CADPS: variants seen among roughly 807,000 people sequenced by gnomAD.
CADPS encodes calcium-dependent secretion activator 1.
In CADPS, 57 loss-of-function variants were observed where a neutral mutation model predicts 167.3. That is an observed-to-expected ratio of 0.34 (90% CI 0.28 to 0.42). CADPS has a LOEUF of 0.42. Among genes scored for constraint, CADPS ranks in the 20% least tolerant of loss-of-function variants. The probability of loss-of-function intolerance (pLI) is 1.00; values close to 1 mark genes in which losing one functional copy is unlikely to be tolerated. For missense variants in CADPS, 1,414 were observed against 1,738.1 expected (o/e 0.81, Z 3.32); for synonymous variants, 676 against 635.3 (o/e 1.06, Z -0.96).
chr3:62,765,741 C>G, intron 2 of CADPS, 130 bp downstream of exon 2: 1 of 556,320 alleles, frequency 1.8e-6, no homozygotes. Flanking sequence ...TAACGAATCA[C>G]CAACCCATTT....
intron 6 of CADPS, among the ~76,000 whole-genome samples, chr3:62,620,069 C>T (rs1222440320): frequency 6.6e-6 from 1 of 151,632 alleles, no homozygotes; most frequent in Non-Finnish European, 1.5e-5. Context: ...TTATTGGGTG[C>T]TATTGATTTT....
intron 21 of CADPS, among the ~76,000 whole-genome samples, chr3:62,487,725 TTTG>T (rs1449961127): frequency 2.0e-5 from 3 of 152,190 alleles, no homozygotes; most frequent in African/African-American, 7.2e-5. Context: ...TTCAATTATT[TTTG>T]TTGTTGTTGT....
At chr3:62,834,469 C>T (rs983742663) in intron 1 of CADPS, among the ~76,000 whole-genome samples, 6 of 152,228 alleles carry the variant, frequency 3.9e-5, no homozygotes, top group Admixed American at 1.3e-4. Flanking sequence ...GAGGCAAGAA[C>T]GTAGTGGTAA....
intron 7 of CADPS, among the ~76,000 whole-genome samples, chr3:62,591,838 A>T (rs943170432): frequency 1.3e-5 from 2 of 152,148 alleles, no homozygotes; most frequent in Non-Finnish European, 2.9e-5. Flanking sequence ...GGGTCCAGGG[A>T]TGCTAAACAT....
intron 11 of CADPS, among the ~76,000 whole-genome samples, chr3:62,548,117 AG>A (rs35978575): frequency 6.6e-6 from 1 of 152,134 alleles, no homozygotes; most frequent in Non-Finnish European, 1.5e-5. Flanking sequence ...TTTCTGATAC[AG>A]GGGGTAACTT....
intron 13 of CADPS, among the ~76,000 whole-genome samples, chr3:62,528,689 T>C (rs1482001230): frequency 7.2e-5 from 11 of 152,308 alleles, no homozygotes; most frequent in Non-Finnish European, 1.6e-4. Flanking sequence ...TTATGCAGAA[T>C]AGGTTCTAAC....
chr3:62,453,050 T>C (rs1240059526), intron 26 of CADPS, among the ~76,000 whole-genome samples: 2 of 152,274 alleles, frequency 1.3e-5, no homozygotes, highest in African/African-American at 2.4e-5. Flanking sequence ...GGAGGATCAC[T>C]TGAACCCAGG....
At chr3:62,585,784 C>A (rs919195609) in intron 7 of CADPS, among the ~76,000 whole-genome samples, 1 of 152,134 alleles carries the variant, frequency 6.6e-6, no homozygotes, top group African/African-American at 2.4e-5. Context: ...ATGGAAGGAA[C>A]CTTATTAGAT....
intron 1 of CADPS, among the ~76,000 whole-genome samples, chr3:62,816,549 G>A (rs2094622617): frequency 6.6e-6 from 1 of 151,888 alleles, no homozygotes; most frequent in African/African-American, 2.4e-5. Flanking sequence ...GTGAGAAAAA[G>A]GAAGAAAATT....
Position 62,491,466 on chromosome 3 carries a change from C to T in CADPS, c.2899G>A (p.Gly967Arg). Residue 967 changes from glycine (G) to arginine (R), a missense_variant, in exon 21 of 30, where the codon GGA becomes AGA. Physicochemically the swap from Gly to Arg is moderately radical, Grantham distance 125. This residue lies in a region of CADPS where 529 missense variants were observed against 629.6 expected (regional missense o/e 0.84). Coordinates refer to ENST00000383710, the MANE Select transcript of CADPS (RefSeq NM_003716.4). ...TCTTGCAGGTGTTTGTGAAATTTTC[C>T]ATTGCACAAATTATCTAGAACAGAT... ...FLRTDYNLCN[G>R]KFHKHLQDLF... 6.2e-7 allele frequency: 1 copy of T among 1,613,706 alleles called. No homozygotes were observed.
At chr3:62,734,207 C>T (rs2078519058) in intron 3 of CADPS, among the ~76,000 whole-genome samples, 1 of 152,116 alleles carries the variant, frequency 6.6e-6, no homozygotes, top group Non-Finnish European at 1.5e-5. Context: ...CACCCAACTG[C>T]AGATATAGAC....
At chr3:62,491,276 T>C in intron 21 of CADPS, 63 bp downstream of exon 21, 1 of 1,514,704 alleles carries the variant, frequency 6.6e-7, no homozygotes, top group Admixed American at 1.8e-5. Context: ...ATTAATCCAT[T>C]TCTGTATTAC....
intron 6 of CADPS, among the ~76,000 whole-genome samples, chr3:62,636,534 T>G (rs550739540): frequency 4.7e-4 from 71 of 152,308 alleles, no homozygotes; most frequent in African/African-American, 1.6e-3. Flanking sequence ...AACCCCCTGA[T>G]AATTGGCATC....
intron 18 of CADPS, among the ~76,000 whole-genome samples, chr3:62,498,348 T>C (rs2065155575): frequency 1.3e-5 from 2 of 152,180 alleles, no homozygotes; most frequent in Non-Finnish European, 2.9e-5. Context: ...ATGTCATTTT[T>C]CCCCTTTGCT....
chr3:62,427,418 G>A (rs1337221932), intron 28 of CADPS, among the ~76,000 whole-genome samples: 1 of 152,114 alleles, frequency 6.6e-6, no homozygotes, highest in African/African-American at 2.4e-5. Context: ...AAAGACAAAT[G>A]ATTTGTGTCA....
At chr3:62,570,721 T>C (rs1471581445) in intron 9 of CADPS, 151 bp downstream of exon 9, 4 of 667,928 alleles carry the variant, frequency 6.0e-6, no homozygotes, top group Non-Finnish European at 1.1e-5. Flanking sequence ...TGTATCCTCC[T>C]CTGAATGGTG....
At chr3:62,539,525 TA>T (rs200925277) in intron 11 of CADPS, among the ~76,000 whole-genome samples, 11,727 of 144,824 alleles carry the variant, frequency 0.081, 875 homozygotes, top group African/African-American at 0.2. Flanking sequence ...TATTATGTTA[TA>T]AAAAAAAAAA....
chr3:62,653,839 G>A (rs746541807), intron 4 of CADPS, among the ~76,000 whole-genome samples: 4 of 151,950 alleles, frequency 2.6e-5, no homozygotes, highest in African/African-American at 4.8e-5. Context: ...ACTCCGCAAC[G>A]TCACAGTACC....
intron 1 of CADPS, among the ~76,000 whole-genome samples, chr3:62,834,742 CCTTT>C (rs2075658039): frequency 6.6e-6 from 1 of 152,174 alleles, no homozygotes; most frequent in Admixed American, 6.6e-5. Context: ...ATTTGCTCCT[CCTTT>C]CTGTCTGCTT....
Sources: gnomAD v4.1 joint callset for allele counts (sites outside exome capture counted in the v4.1 genomes callset) on GRCh38, gnomAD v4.1.1 for gene constraint, gnomAD v4.1.1 regional missense constraint, MANE v1.5 for transcripts, NCBI Gene and HGNC (gene_info 2026-07-23, HGNC 2026-07-21) for gene names.